Variants in MLIP observed in about 807,000 individuals in gnomAD.
MLIP encodes muscular LMNA-interacting protein.
In MLIP, 79 loss-of-function variants were observed where a neutral mutation model predicts 84.8. That is an observed-to-expected ratio of 0.93 (90% confidence interval 0.78 to 1.12). The LOEUF is 1.12. MLIP is among the 50% of genes most tolerant of loss of function. The probability of loss-of-function intolerance (pLI) is 0.00; values close to 1 mark genes in which losing one functional copy is unlikely to be tolerated. For missense variants in MLIP, 1,257 were observed against 1,160.6 expected (o/e 1.08, Z -1.21); for synonymous variants, 504 against 463.0 (o/e 1.09, Z -1.14).
intron 11 of MLIP, among the ~76,000 whole-genome samples, chr6:54,221,267 T>C (rs1780201674): frequency 6.6e-6 from 1 of 152,110 alleles, no homozygotes; most frequent in African/African-American, 2.4e-5. Flanking sequence ...TAGTGGTCCT[T>C]TCCCTGTATG....
At chr6:54,158,610 A>G (rs1477633342) in intron 5 of MLIP, among the ~76,000 whole-genome samples, 6 of 152,126 alleles carry the variant, frequency 3.9e-5, no homozygotes, top group Non-Finnish European at 8.8e-5. Context: ...GGATTAAAAA[A>G]CAAGTCAAGC....
intron 5 of MLIP, 145 bp from the exon 6 acceptor site, chr6:54,160,222 C>T: frequency 6.1e-6 from 4 of 654,662 alleles, no homozygotes; most frequent in Non-Finnish European, 1.0e-5. Context: ...AGAAAAATGT[C>T]TTCATGTTAA....
intron 3 of MLIP, 53 bp from the exon 4 acceptor site, chr6:54,136,662 A>T: frequency 7.3e-7 from 1 of 1,372,836 alleles, no homozygotes; most frequent in Non-Finnish European, 9.5e-7. Context: ...GAATATTTTG[A>T]TCGTTTCACA....
Position 54,149,049 on chromosome 6 carries a change from A to AT in MLIP, c.2218-5dup. ...CTCTACTCTTGCTTTCTGGTTGCCC[A>AT]TTCTAGCAATACAAGACCAAGTCAA... On this transcript the variant is annotated splice_polypyrimidine_tract_variant and splice_region_variant and intron_variant, in intron 4 of 13. Transcript: ENST00000502396. 2 of 1,611,874 alleles carry AT rather than the reference A, an allele frequency of 1.2e-6. No homozygotes were observed. Among genetic ancestry groups the AT allele is most frequent in the Non-Finnish European group, 1.7e-6 (2 of 1,178,630 alleles).
intron 1 of MLIP, among the ~76,000 whole-genome samples, chr6:54,020,905 C>T (rs1407764665): frequency 3.3e-5 from 5 of 152,068 alleles, no homozygotes; most frequent in Non-Finnish European, 1.5e-5. Context: ...CATGAAAGCC[C>T]AGTGTCTGGG....
chr6:54,111,018 G>T (rs1769414408), upstream of MLIP, among the ~76,000 whole-genome samples: 1 of 152,112 alleles, frequency 6.6e-6, no homozygotes, highest in Admixed American at 6.5e-5. Context: ...TCTTTATTTG[G>T]ACACAGTGTT....
intron 1 of MLIP, among the ~76,000 whole-genome samples, chr6:54,101,470 C>A (rs1294820060): frequency 6.6e-6 from 1 of 151,996 alleles, no homozygotes; most frequent in South Asian, 2.1e-4. Flanking sequence ...TATTATGCCC[C>A]TTTTATAAAA....
chr6:54,031,522 G>A (rs1204137210), intron 1 of MLIP: 1 of 152,286 alleles, frequency 6.6e-6, no homozygotes, highest in Non-Finnish European at 1.5e-5. Flanking sequence ...CTGAGTGTGT[G>A]TGCGTGTGTG....
At chr6:54,228,726 G>T (rs1780778284) in intron 11 of MLIP, among the ~76,000 whole-genome samples, 1 of 152,276 alleles carries the variant, frequency 6.6e-6, no homozygotes, top group East Asian at 1.9e-4. Context: ...GACAACCTGA[G>T]AATTGATTTT....
At position 54,155,294 on chromosome 6, in the gene MLIP, A is replaced by G. The variant is rs560558857; in HGVS notation, c.2290-5073A>G. 6.6e-5 allele frequency among the ~76,000 whole-genome samples: 10 copies of G among 152,218 alleles called. No homozygotes were observed. The East Asian group carries it at 1.9e-3, about 29-fold the overall frequency. ...GAGATTTATTTTTCTAACAATATCT[A>G]CTATCCTACACATGGTTTTATATTA... On this transcript the variant is annotated intron_variant, in intron 5 of 13. Coordinates refer to ENST00000502396, the MANE Select transcript of MLIP (RefSeq NM_001281747.2).
intron 13 of MLIP, among the ~76,000 whole-genome samples, chr6:54,262,885 G>A (rs1423877371): frequency 2.0e-5 from 3 of 151,998 alleles, no homozygotes; most frequent in Non-Finnish European, 2.9e-5. Flanking sequence ...CACTTGGTTG[G>A]CAAGAACCAG....
chr6:54,061,770 G>T (rs1709088274), intron 1 of MLIP, among the ~76,000 whole-genome samples: 2 of 152,132 alleles, frequency 1.3e-5, no homozygotes, highest in Non-Finnish European at 2.9e-5. Flanking sequence ...TAACAATGAA[G>T]ATGTAAAAGA....
At position 54,124,047 on chromosome 6, in the gene MLIP, T is replaced by C. The variant is rs1052901243; in HGVS notation, c.253-426T>C. Among the ~76,000 whole-genome samples the C allele has an allele frequency of 1.4e-4, 21 of 152,334 alleles. No individual in the cohort carries two copies. In the South Asian group the frequency reaches 2.3e-3, roughly 17 times the overall value. ...TTCAGATTTTTAGAGAGATTTTGTATTATTTTAGAAACTTTCAATGGGGAT... is the reference window on the plus strand; with the variant it reads ...TTCAGATTTTTAGAGAGATTTTGTACTATTTTAGAAACTTTCAATGGGGAT... On this transcript the variant is annotated intron_variant, in intron 2 of 13. Transcript: ENST00000502396.
Position 54,202,198 on chromosome 6 carries a change from T to G in MLIP, c.2683T>G (p.Tyr895Asp). 1 of 1,584,570 alleles carries G rather than the reference T, an allele frequency of 6.3e-7. No homozygotes were observed. The highest frequency in any genetic ancestry group is 8.6e-7 in the Non-Finnish European group (1 of 1,165,286). The part of the protein sequence containing the change: ...EVYEPNPFSK[Y>D]LEDNSDLFSE... ...CTATGAACCCAACCCTTTCAGTAAA[T>G]ACTTGGAAGATAACAGCGACCTCTT... The change falls in exon 11 of 14, where the codon TAC becomes GAC. Residue 895 changes from tyrosine (Y) to aspartate (D), a missense_variant. Coordinates refer to ENST00000502396, the MANE Select transcript of MLIP (RefSeq NM_001281747.2).
chr6:54,086,139 T>C (rs1465202213), intron 1 of MLIP, among the ~76,000 whole-genome samples: 2 of 152,206 alleles, frequency 1.3e-5, no homozygotes, highest in African/African-American at 4.8e-5. Flanking sequence ...GCATGTGTGT[T>C]CATTGGTTCT....
chr6:54,205,654 T>G (rs531365315), intron 11 of MLIP, among the ~76,000 whole-genome samples: 51 of 152,348 alleles, frequency 3.3e-4, no homozygotes, highest in South Asian at 1.7e-3. Context: ...AAACAGCTGC[T>G]GAGTTCTAAC....
At chr6:54,172,253 T>A (rs1301124283) in intron 9 of MLIP, among the ~76,000 whole-genome samples, 1 of 151,654 alleles carries the variant, frequency 6.6e-6, no homozygotes, top group Non-Finnish European at 1.5e-5. Context: ...TACTTGCCAA[T>A]TAAAAAATAA....
chr6:54,075,085 TAA>T (rs1179561753), intron 1 of MLIP, among the ~76,000 whole-genome samples: 1 of 151,792 alleles, frequency 6.6e-6, no homozygotes, highest in Non-Finnish European at 1.5e-5. Flanking sequence ...CCAGCTCTAC[TAA>T]AAATACAAAA....
At chr6:54,192,412 G>C (rs1028609172) in intron 10 of MLIP, among the ~76,000 whole-genome samples, 65 of 151,972 alleles carry the variant, frequency 4.3e-4, no homozygotes, top group Non-Finnish European at 2.5e-4. Flanking sequence ...GAAATAAATA[G>C]TGGAAAATGA....
Sources: gnomAD v4.1 joint callset for allele counts (sites outside exome capture counted in the v4.1 genomes callset) on GRCh38, gnomAD v4.1.1 for gene constraint, MANE v1.5 for transcripts, NCBI Gene and HGNC (gene_info 2026-07-23, HGNC 2026-07-21) for gene names.